MYRIP: variants seen among roughly 807,000 people sequenced by gnomAD.
MYRIP encodes the protein myosin VIIA and Rab interacting protein, also known as rab effector MyRIP.
A neutral mutation model predicts 98.0 loss-of-function variants in MYRIP; 49 were observed. The observed-to-expected ratio is 0.50, with a 90% CI of 0.40 to 0.63. The LOEUF is 0.63. MYRIP is among the 30% of genes least tolerant of loss of function. The probability of loss-of-function intolerance (pLI) is 0.00; values close to 1 mark genes in which losing one functional copy is unlikely to be tolerated. For synonymous variants in MYRIP, 404 were observed against 409.5 expected (o/e 0.99, Z 0.16); for missense variants, 1,004 against 1,058.2 (o/e 0.95, Z 0.71).
At chr3:40,177,752 CCTCT>C (rs1950799437) in intron 8 of MYRIP, among the ~76,000 whole-genome samples, 2 of 152,180 alleles carry the variant, frequency 1.3e-5, no homozygotes, top group African/African-American at 4.8e-5. Flanking sequence ...TATAAAAAGG[CCTCT>C]CTAATAATAT....
intron 3 of MYRIP, among the ~76,000 whole-genome samples, chr3:40,141,777 G>T (rs376867538): frequency 1.3e-5 from 2 of 152,094 alleles, no homozygotes; most frequent in Admixed American, 1.3e-4. Flanking sequence ...TAATTTGGGG[G>T]TTTTCTACTC....
intron 2 of MYRIP, among the ~76,000 whole-genome samples, chr3:39,927,150 G>GACA: frequency 1.3e-5 from 2 of 152,012 alleles, no homozygotes; most frequent in Non-Finnish European, 2.9e-5. Context: ...GCACAGAAAT[G>GACA]TTACTGATTT....
chr3:40,244,758 C>A (rs772263135), intron 13 of MYRIP, 151 bp downstream of exon 13: 7 of 826,346 alleles, frequency 8.5e-6, no homozygotes, highest in African/African-American at 1.8e-5. Context: ...ATGGATTCCA[C>A]CAAATTCTCC....
At chr3:40,111,557 G>A (rs1179559267) in intron 3 of MYRIP, among the ~76,000 whole-genome samples, 1 of 152,134 alleles carries the variant, frequency 6.6e-6, no homozygotes, top group Non-Finnish European at 1.5e-5. Flanking sequence ...GGGGCAGTAT[G>A]TTGATGGGAC....
chr3:39,824,387 A>C (rs1394788831), intron 1 of MYRIP, among the ~76,000 whole-genome samples: 10 of 152,044 alleles, frequency 6.6e-5, no homozygotes, highest in Admixed American at 6.6e-4. Flanking sequence ...ATTTTTGTGA[A>C]GAATGTCATT....
chr3:39,853,474 A>T (rs1229517149), intron 1 of MYRIP, among the ~76,000 whole-genome samples: 1 of 151,794 alleles, frequency 6.6e-6, no homozygotes. Context: ...GTGGTATCTC[A>T]TTGTGGTTTT....
chr3:40,026,624 C>G (rs1047105208), intron 2 of MYRIP, among the ~76,000 whole-genome samples: 2 of 152,150 alleles, frequency 1.3e-5, no homozygotes, highest in African/African-American at 4.8e-5. Flanking sequence ...GCCAGTCCCT[C>G]CATTCAGGGT....
At chr3:39,901,005 T>C in intron 2 of MYRIP, 79 bp downstream of exon 2, 1 of 1,034,330 alleles carries the variant, frequency 9.7e-7, no homozygotes, top group Non-Finnish European at 1.5e-6. Flanking sequence ...GGGTATTCCC[T>C]CCTGCTAGCC....
intron 1 of MYRIP, among the ~76,000 whole-genome samples, chr3:39,874,572 G>T (rs1559504428): frequency 6.6e-6 from 1 of 152,126 alleles, no homozygotes; most frequent in South Asian, 2.1e-4. Flanking sequence ...TTGTGTCAAA[G>T]GCCTTTTCTG....
At chr3:40,105,771 G>A (rs888144140) in intron 3 of MYRIP, among the ~76,000 whole-genome samples, 5 of 152,148 alleles carry the variant, frequency 3.3e-5, no homozygotes, top group African/African-American at 7.2e-5. Context: ...AGCAGAGAGA[G>A]AAGAGTGAGG....
intron 3 of MYRIP, among the ~76,000 whole-genome samples, chr3:40,050,574 A>G (rs2125838223): frequency 6.6e-6 from 1 of 152,284 alleles, no homozygotes; most frequent in Middle Eastern, 3.4e-3. Context: ...CATGCCTGCT[A>G]ACATAATATC....
chr3:39,915,950 A>C (rs1174391247), intron 2 of MYRIP, among the ~76,000 whole-genome samples: 1 of 152,000 alleles, frequency 6.6e-6, no homozygotes, highest in African/African-American at 2.4e-5. Context: ...ATCAACTGTT[A>C]CCTATAACAC....
chr3:40,108,154 TTA>T (rs1363586854), intron 3 of MYRIP, among the ~76,000 whole-genome samples: 1 of 146,396 alleles, frequency 6.8e-6, no homozygotes, highest in Non-Finnish European at 1.5e-5. Context: ...CAGCACTTAG[TTA>T]TGAGTTAGCA....
chr3:40,028,337 G>C (rs1575476601), intron 2 of MYRIP, among the ~76,000 whole-genome samples: 1 of 152,242 alleles, frequency 6.6e-6, no homozygotes, highest in East Asian at 1.9e-4. Context: ...GCAAATAAAA[G>C]CCACAGTGAG....
chr3:40,080,929 T>C (rs1212022713), intron 3 of MYRIP, among the ~76,000 whole-genome samples: 3 of 151,862 alleles, frequency 2.0e-5, no homozygotes, highest in Admixed American at 6.6e-5. Flanking sequence ...TTCTTCTTTA[T>C]ATATCATAGT....
chr3:40,055,319 G>GA (rs1377568667), intron 3 of MYRIP, among the ~76,000 whole-genome samples: 1 of 152,020 alleles, frequency 6.6e-6, no homozygotes, highest in African/African-American at 2.4e-5. Flanking sequence ...AGGTTTTTGG[G>GA]AAAAAATAAA....
intron 1 of MYRIP, among the ~76,000 whole-genome samples, chr3:39,855,096 C>T (rs1382852109): frequency 4.6e-5 from 7 of 152,332 alleles, no homozygotes; most frequent in African/African-American, 1.7e-4. Context: ...GATATATGTA[C>T]TATGCTGGCT....
At chr3:39,826,153 T>C (rs1481298192) in intron 1 of MYRIP, among the ~76,000 whole-genome samples, 1 of 152,028 alleles carries the variant, frequency 6.6e-6, no homozygotes, top group East Asian at 1.9e-4. Flanking sequence ...TGTATTTTTT[T>C]AGTCTCAATT....
At chr3:39,824,714 T>TTTTTTC (rs947762968) in intron 1 of MYRIP, among the ~76,000 whole-genome samples, 11 of 152,014 alleles carry the variant, frequency 7.2e-5, no homozygotes, top group Non-Finnish European at 1.2e-4. Context: ...GATCGTTTTT[T>TTTTTTC]TTTTTCTTTT....
Sources: gnomAD v4.1 joint callset for allele counts (sites outside exome capture counted in the v4.1 genomes callset) on GRCh38, gnomAD v4.1.1 for gene constraint, MANE v1.5 for transcripts, NCBI Gene and HGNC (gene_info 2026-07-23, HGNC 2026-07-21) for gene names.